Variants in PALM observed in about 807,000 individuals in gnomAD.
The protein encoded by PALM is paralemmin-1.
A neutral mutation model predicts 30.7 loss-of-function variants in PALM; 18 were observed. That is an observed-to-expected ratio of 0.59 (90% CI 0.41 to 0.87). PALM has a LOEUF of 0.87. PALM is among the 40% of genes least tolerant of loss of function. The pLI is 0.00. For missense variants in PALM, 529 were observed against 555.4 expected (o/e 0.95, Z 0.48); for synonymous variants, 286 against 242.8 (o/e 1.18, Z -1.66).
chr19:729,862 G>A (rs1375701789), intron 4 of PALM, among the ~76,000 whole-genome samples: 2 of 152,214 alleles, frequency 1.3e-5, no homozygotes, highest in Non-Finnish European at 2.9e-5. Flanking sequence ...GCCTGGCCCT[G>A]TCTGCAGAGA....
chr19:716,770 C>T (rs899973838), intron 1 of PALM, among the ~76,000 whole-genome samples: 1 of 152,154 alleles, frequency 6.6e-6, no homozygotes, highest in Non-Finnish European at 1.5e-5. Context: ...AGAAGGCTGG[C>T]ATTCCCATTA....
At chr19:725,356 C>T (rs1047517647) in intron 1 of PALM, among the ~76,000 whole-genome samples, 54 of 149,096 alleles carry the variant, frequency 3.6e-4, no homozygotes, top group Non-Finnish European at 7.3e-4. Context: ...GTCAGGAGTT[C>T]GAGACCAGCC....
At chr19:734,074 C>G in intron 5 of PALM, 99 bp from the exon 6 acceptor site, 1 of 1,055,634 alleles carries the variant, frequency 9.5e-7, no homozygotes, top group South Asian at 1.3e-5. Flanking sequence ...ATGACGTCAC[C>G]CACTGTGCCA....
chr19:727,272 CG>C (rs1568225472), intron 3 of PALM, among the ~76,000 whole-genome samples, 184 bp downstream of exon 3: 3 of 148,478 alleles, frequency 2.0e-5, no homozygotes, highest in Non-Finnish European at 4.5e-5. Context: ...AACCTGACCC[CG>C]ACCCTGACCC....
At chr19:727,448 C>G in intron 3 of PALM, 116 bp from the exon 4 acceptor site, 1 of 796,496 alleles carries the variant, frequency 1.3e-6, no homozygotes, top group Non-Finnish European at 2.1e-6. Flanking sequence ...ATAACCCTGA[C>G]CCCAACCTTG....
chr19:739,700 GC>G (rs2033129873), intron 7 of PALM, among the ~76,000 whole-genome samples: 1 of 152,196 alleles, frequency 6.6e-6, no homozygotes, highest in Admixed American at 6.5e-5. Context: ...AATAGGCTGG[GC>G]GCGGTGGCTC....
intron 1 of PALM, among the ~76,000 whole-genome samples, chr19:717,637 T>C (rs1310504360): frequency 6.6e-6 from 1 of 150,888 alleles, no homozygotes; most frequent in East Asian, 2.0e-4. Context: ...CACTGAGGAG[T>C]CCGGGTCCTA....
intron 1 of PALM, among the ~76,000 whole-genome samples, chr19:717,684 TA>T (rs2032311040): frequency 6.7e-6 from 1 of 148,750 alleles, no homozygotes; most frequent in Non-Finnish European, 1.5e-5. Flanking sequence ...TGAGTTTCTT[TA>T]AAAAGAAGAG....
intron 4 of PALM, among the ~76,000 whole-genome samples, chr19:728,974 G>A (rs1045325890): frequency 2.0e-5 from 3 of 151,194 alleles, no homozygotes; most frequent in Non-Finnish European, 2.9e-5. Flanking sequence ...GCTGCACTCT[G>A]GCCTGGGCAA....
In PALM at chr19:746,592, CAAG is replaced by C. The variant is rs1385589027; in HGVS notation, c.946_948del (p.Lys316del). 1.2e-6 allele frequency: 2 copies of C among 1,613,290 alleles called. No individual in the cohort carries two copies. Among genetic ancestry groups the C allele is most frequent in the African/African-American group, 2.7e-5 (2 of 74,910 alleles). ...AGAACGTGGAGGATGAGGCCGAGAC[CAAG>C]AAGGTGCTGGGCCTTCAAGATACCA... On this transcript the variant is annotated inframe_deletion, in exon 9 of 9. Coordinates refer to ENST00000338448, the MANE Select transcript of PALM (RefSeq NM_002579.3). The surrounding 1 kb of genome is among the most constrained non-coding windows in gnomAD (Gnocchi z 7.1).
At position 715,330 on chromosome 19, in the gene PALM, C is replaced by G. The variant is rs542993656; in HGVS notation, c.5+6179C>G. On this transcript the variant is annotated intron_variant, in intron 1 of 8. Coordinates refer to ENST00000338448, the MANE Select transcript of PALM (RefSeq NM_002579.3). ...GTGTGGGCCCCTGTTTCCTCTCATC[C>G]TTTCTTGATCTAGGAAACCTGTCAT... Among the ~76,000 whole-genome samples, 5 of 152,204 alleles carry G rather than the reference C, an allele frequency of 3.3e-5. 1 individual carries two copies. The highest frequency in any genetic ancestry group is 6.8e-3 in the Middle Eastern group (2 of 292).
At chr19:736,198 G>T in intron 7 of PALM, 120 bp downstream of exon 7, 1 of 720,610 alleles carries the variant, frequency 1.4e-6, no homozygotes, top group Non-Finnish European at 2.2e-6. Flanking sequence ...GTCTGACGGG[G>T]CCGTGGTTAT....
chr19:714,504 G>A (rs1476861980), intron 1 of PALM, among the ~76,000 whole-genome samples: 16 of 149,386 alleles, frequency 1.1e-4, no homozygotes, highest in Admixed American at 2.7e-4. Flanking sequence ...GACTACAGGC[G>A]CCCGCCACCA....
chr19:747,164 C>A lies in PALM; in HGVS notation c.*350C>A. ...GTGGGACCCGCAGCCTCCACGCGGC[C>A]CAGGCCAGCCTGCCACCCTCTGGGC... On this transcript the variant is annotated 3_prime_UTR_variant, in exon 9 of 9. Coordinates refer to ENST00000338448, the MANE Select transcript of PALM (RefSeq NM_002579.3). 4.1e-6 allele frequency: 1 copy of A among 244,756 alleles called. No homozygotes were observed. The highest frequency in any genetic ancestry group is 1.1e-4 in the East Asian group (1 of 8,780). The allele number at this position is 244,756 out of a possible 1,614,324, so 15.2% of individuals were successfully genotyped here. A position where few individuals can be genotyped will look rare whatever the true frequency, so the allele number is the denominator to read the frequency against.
chr19:730,812 C>T (rs942953504), intron 4 of PALM, among the ~76,000 whole-genome samples: 1 of 152,040 alleles, frequency 6.6e-6, no homozygotes, highest in African/African-American at 2.4e-5. Flanking sequence ...CCAGCCTGGC[C>T]AACATGGTGA....
intron 7 of PALM, among the ~76,000 whole-genome samples, chr19:737,047 C>G (rs1354775951): frequency 1.3e-5 from 2 of 152,196 alleles, no homozygotes; most frequent in Admixed American, 6.5e-5. Context: ...GAGCAAGACT[C>G]CGTCTCAGAA....
chr19:726,241 G>T, intron 2 of PALM, 52 bp downstream of exon 2: 1 of 1,526,858 alleles, frequency 6.5e-7, no homozygotes, highest in Non-Finnish European at 9.1e-7. Context: ...GAAGTGGGGG[G>T]ACCTGGGGTC....
chr19:734,263 G>A (rs373799186), intron 6 of PALM, 69 bp downstream of exon 6: 259 of 1,490,122 alleles, frequency 1.7e-4, no homozygotes, highest in Non-Finnish European at 2.3e-4. Context: ...ATGGCAGGGC[G>A]GGGAGTGAAG....
rs369812602 is a variant in PALM at position 726,134 on chromosome 19, G to T, written c.6-4G>T. 1.2e-6 allele frequency: 2 copies of T among 1,612,170 alleles called. No homozygotes were observed. The highest frequency in any genetic ancestry group is 8.5e-7 in the Non-Finnish European group (1 of 1,178,696). On this transcript the variant is annotated splice_polypyrimidine_tract_variant and splice_region_variant and intron_variant, in intron 1 of 8. Transcript: ENST00000338448. ...CAGAGCTTGACCTTATCTCCCTCCC[G>T]CAGGGTCCTGGCGGCAGAGACCACG...
Sources: allele counts gnomAD v4.1 joint callset (sites outside exome capture counted in the v4.1 genomes callset), GRCh38; gene constraint gnomAD v4.1.1; non-coding constraint Gnocchi (gnomAD v3.1); transcripts MANE v1.5; gene names NCBI Gene and HGNC (gene_info 2026-07-23, HGNC 2026-07-21).